Variants in KIAA1549 observed in about 807,000 individuals in gnomAD.
KIAA1549 encodes the protein KIAA1549.
Under a neutral mutation model 156.4 loss-of-function variants are expected in KIAA1549, and 70 were observed. The observed-to-expected ratio is 0.45, with a 90% CI of 0.37 to 0.55. KIAA1549 has a LOEUF of 0.55. Ranked by LOEUF, KIAA1549 falls within the 20% of genes least tolerant of loss-of-function variation. The probability of loss-of-function intolerance (pLI) is 0.00; values close to 1 mark genes in which losing one functional copy is unlikely to be tolerated. For missense variants in KIAA1549, 2,428 were observed against 2,540.9 expected, an observed-to-expected ratio of 0.96 and a Z score of 0.96; for synonymous variants, 1,103 against 1,066.4, an observed-to-expected ratio of 1.03 and a Z score of -0.67.
rs374468612 is a variant in KIAA1549, at chr7:138,879,639, T to C, written c.4244A>G (p.Asp1415Gly). ...VRHRGRVSPSDADSTVSEESS... is the reference protein window; with the variant it reads ...VRHRGRVSPSGADSTVSEESS... Reference sequence around the variant, plus strand: ...CTCTTCACTGACCGTAGAGTCAGCATCTGAGGGAGAAACTCTGCAGACACA... The same window carrying C: ...CTCTTCACTGACCGTAGAGTCAGCACCTGAGGGAGAAACTCTGCAGACACA... The change falls in exon 12 of 20, where the codon GAT becomes GGT. Residue 1415 changes from aspartate (D) to glycine (G), a missense_variant. Physicochemically the swap from Asp to Gly is moderately conservative, Grantham distance 94. This residue lies in a region of KIAA1549 where 404 missense variants were observed against 417.0 expected (regional missense o/e 0.97). Transcript: ENST00000422774. The C allele has an allele frequency of 1.8e-4, 274 of 1,546,934 alleles. No individual in the cohort carries two copies. The highest frequency in any genetic ancestry group is 2.3e-4 in the Non-Finnish European group (261 of 1,145,602).
chr7:138,844,198 GC>G lies in KIAA1549; in HGVS notation c.5452+118del, dbSNP rs1459649700. On this transcript the variant is annotated intron_variant, in intron 18 of 19. Transcript: ENST00000422774. ...CTCGGTCAGGATATGAGGGGAAACAGCCCTGAAACAGCAGTGGCAGAGGCCT... is the reference window on the plus strand; with the variant it reads ...CTCGGTCAGGATATGAGGGGAAACAGCCTGAAACAGCAGTGGCAGAGGCCT... The G allele has an allele frequency of 3.5e-6, 4 of 1,141,342 alleles. No individual in the cohort carries two copies. In the Admixed American group the frequency reaches 7.9e-5, roughly 23 times the overall value. The allele number at this position is 1,141,342 out of a possible 1,614,324, so 70.7% of individuals were successfully genotyped here. A position where few individuals can be genotyped will look rare whatever the true frequency, so the allele number is the denominator to read the frequency against.
intron 2 of KIAA1549, among the ~76,000 whole-genome samples, chr7:138,913,119 C>T (rs1202772232): frequency 1.3e-5 from 2 of 152,138 alleles, no homozygotes; most frequent in African/African-American, 4.8e-5. Flanking sequence ...TGTGACCCAC[C>T]TGCCTCAGCC....
intron 6 of KIAA1549, 137 bp from the exon 7 acceptor site, chr7:138,905,218 C>T (rs112406068): frequency 9.2e-6 from 6 of 654,212 alleles, no homozygotes; most frequent in South Asian, 5.5e-5. Context: ...AGCGTGAGGA[C>T]GTGGACAGTA....
At chr7:138,840,895 A>T (rs901789527) in intron 18 of KIAA1549, among the ~76,000 whole-genome samples, 4 of 152,108 alleles carry the variant, frequency 2.6e-5, no homozygotes, top group African/African-American at 9.7e-5. Flanking sequence ...GTCAGCTCTG[A>T]TCACTGCACT....
intron 1 of KIAA1549, among the ~76,000 whole-genome samples, chr7:138,964,420 T>A (rs1009062772): frequency 1.3e-5 from 2 of 152,224 alleles, no homozygotes; most frequent in African/African-American, 4.8e-5. Flanking sequence ...TAAGCTTTAT[T>A]TTCCTCATCT....
At chr7:138,884,056 G>A (rs1239483960) in intron 10 of KIAA1549, among the ~76,000 whole-genome samples, 2 of 152,134 alleles carry the variant, frequency 1.3e-5, no homozygotes, top group Admixed American at 6.5e-5. Flanking sequence ...AGGGAAGAGG[G>A]GCTGAAGGTT....
At chr7:138,976,381 T>C (rs1468362371) in intron 1 of KIAA1549, among the ~76,000 whole-genome samples, 1 of 148,782 alleles carries the variant, frequency 6.7e-6, no homozygotes, top group Admixed American at 6.8e-5. Flanking sequence ...GATTTTAAAT[T>C]AGCTGTTCTA....
At position 138,844,457 on chromosome 7, in the gene KIAA1549, C is replaced by G. The variant is rs200895778; in HGVS notation, c.5312G>C (p.Gly1771Ala). The G allele has an allele frequency of 3.5e-4, 540 of 1,537,466 alleles. No homozygotes were observed. The highest frequency in any genetic ancestry group is 4.5e-4 in the Non-Finnish European group (520 of 1,145,482). The change falls in exon 18 of 20, where the codon GGT becomes GCT. Residue 1771 changes from glycine to alanine, a missense_variant. Around this residue, in one of 5 missense-constraint regions of KIAA1549, gnomAD observed 363 missense variants for 354.0 expected, o/e 1.03. Transcript: ENST00000422774. ...GPLPRPGFGP[G>A]LLQSTELVPP... is the part of the protein sequence containing the mutation. ...CACCAGCTCTGTAGACTGCAGCAAA[C>G]CGGGGCCAAAACCTGGTCTGAAGGC...
intron 1 of KIAA1549, among the ~76,000 whole-genome samples, chr7:138,929,198 G>A (rs994253189): frequency 6.6e-6 from 1 of 152,164 alleles, no homozygotes; most frequent in East Asian, 1.9e-4. Flanking sequence ...CTTCAAAATT[G>A]GAGTGAATCC....
Position 138,919,405 on chromosome 7 carries a change from A to G in KIAA1549, c.221T>C (p.Leu74Ser), listed in dbSNP as rs1812483079. The G allele has an allele frequency of 6.2e-7, 1 of 1,613,914 alleles. No homozygotes were observed. The highest frequency in any genetic ancestry group is 1.1e-5 in the South Asian group (1 of 91,080). Residue 74 changes from leucine (L) to serine (S), a missense_variant, in exon 2 of 20, where the codon TTA becomes TCA. Coordinates refer to ENST00000422774, the MANE Select transcript of KIAA1549 (RefSeq NM_001164665.2). Reference sequence around the variant, plus strand: ...CTTCAGCACGAGCTCCATGGAGTATAAAGAAAGGTTGTGCTGTTCCGGAGA... The same window carrying G: ...CTTCAGCACGAGCTCCATGGAGTATGAAGAAAGGTTGTGCTGTTCCGGAGA... Reference protein sequence around the residue: ...ELSPEQHNLSLYSMELVLKKS... With the variant: ...ELSPEQHNLSSYSMELVLKKS...
chr7:138,948,965 A>G (rs572850670), intron 1 of KIAA1549, among the ~76,000 whole-genome samples: 1 of 152,118 alleles, frequency 6.6e-6, no homozygotes, highest in South Asian at 2.1e-4. Flanking sequence ...TCAGCCTCCC[A>G]AAGTGCTGGG....
rs551567210 is a variant in KIAA1549, at chr7:138,852,695, G to A, written c.5248-426C>T. 2.0e-5 allele frequency among the ~76,000 whole-genome samples: 3 copies of A among 152,340 alleles called. No homozygotes were observed. In the East Asian group the frequency reaches 5.8e-4, roughly 29 times the overall value. ...CCAACCACATGAGCCACAAAGGTCA[G>A]CGAGACCCAGTGGCTGCCCAGTACC... On this transcript the variant is annotated intron_variant, in intron 16 of 19. Coordinates refer to ENST00000422774, the MANE Select transcript of KIAA1549 (RefSeq NM_001164665.2).
At position 138,911,142 on chromosome 7, in the gene KIAA1549, T is replaced by G. The variant is rs762295381; in HGVS notation, c.3145+4A>C. The G allele has an allele frequency of 1.9e-6, 3 of 1,569,994 alleles. No homozygotes were observed. In the East Asian group the frequency reaches 6.9e-5, roughly 36 times the overall value. On this transcript the variant is annotated splice_donor_region_variant and intron_variant, in intron 4 of 19. Transcript: ENST00000422774. ...ATAAAAACAACTATGCTGAGCTGTC[T>G]CACCTGTTTGAACTTGGAACCTGGA...
rs747401487 is a variant in KIAA1549, at chr7:138,905,029, G to A, written c.3513C>T (p.Val1171=). 1.4e-5 allele frequency: 22 copies of A among 1,568,458 alleles called. No homozygotes were observed. Among genetic ancestry groups the A allele is most frequent in the Non-Finnish European group, 1.8e-5 (21 of 1,154,048 alleles). The change falls in exon 7 of 20, where the codon GTC becomes GTT. Residue 1171 remains valine (V), a synonymous_variant. Transcript: ENST00000422774. The part of the protein sequence containing the change: ...NLSQLLKSSW[V]RTVLLGVMEK... ...TACATAAGTTAAACATACCTGTTCTGACCCAAGAGGACTTCAGCAACTGAG... is the reference window on the plus strand; with the variant it reads ...TACATAAGTTAAACATACCTGTTCTAACCCAAGAGGACTTCAGCAACTGAG...
chr7:138,950,961 G>A lies in KIAA1549; in HGVS notation c.187+30122C>T, dbSNP rs372061161. 6.0e-4 allele frequency among the ~76,000 whole-genome samples: 91 copies of A among 152,080 alleles called. 1 individual carries two copies. The South Asian group carries it at 0.015, about 25-fold the overall frequency. ...TCCCCGACCACCTCGCCCTCACCTCGGCCCAGCTGTCACCAGTTACCTCCC... is the reference window on the plus strand; with the variant it reads ...TCCCCGACCACCTCGCCCTCACCTCAGCCCAGCTGTCACCAGTTACCTCCC... On this transcript the variant is annotated intron_variant, in intron 1 of 19. Transcript: ENST00000422774.
chr7:138,891,327 C>A (rs184598725), intron 10 of KIAA1549, among the ~76,000 whole-genome samples: 1 of 152,312 alleles, frequency 6.6e-6, no homozygotes, highest in Admixed American at 6.5e-5. Context: ...GGTCTGACAC[C>A]AGTAACGAGG....
intron 1 of KIAA1549, among the ~76,000 whole-genome samples, chr7:138,931,721 C>T (rs1812877205): frequency 7.2e-6 from 1 of 138,218 alleles, no homozygotes; most frequent in Non-Finnish European, 1.5e-5. Context: ...CACTGTACTC[C>T]AGCCTGGGTG....
Position 138,833,652 on chromosome 7 carries a change from T to C in KIAA1549, c.*4254A>G, listed in dbSNP as rs556763099. 9.9e-5 allele frequency: 23 copies of C among 232,282 alleles called. No individual in the cohort carries two copies. The highest frequency in any genetic ancestry group is 2.0e-4 in the African/African-American group (9 of 45,198). The allele number at this position is 232,282 out of a possible 1,614,324, so 14.4% of individuals were successfully genotyped here. A position where few individuals can be genotyped will look rare whatever the true frequency, so the allele number is the denominator to read the frequency against. Reference sequence around the variant, plus strand: ...TAGCAGTAAAGAAGCTGAATATATATATAGATAGATAGACAGATACATAGA... The same window carrying C: ...TAGCAGTAAAGAAGCTGAATATATACATAGATAGATAGACAGATACATAGA... On this transcript the variant is annotated 3_prime_UTR_variant, in exon 20 of 20. Transcript: ENST00000422774.
rs748715293 is a variant in KIAA1549, at chr7:138,869,771, G to T, written c.4552-10C>A. 5.6e-6 allele frequency: 9 copies of T among 1,601,836 alleles called. No homozygotes were observed. In the East Asian group the frequency reaches 6.7e-5, roughly 12 times the overall value. The stretch of plus-strand genomic sequence containing the variant: ...GCAGCGCGGTCTGAATCTGAGGAAG[G>T]GTGAGGGAGAGAAAGACAGCCATAG... On this transcript the variant is annotated splice_polypyrimidine_tract_variant and intron_variant, in intron 13 of 19. Transcript: ENST00000422774.
Sources: gnomAD v4.1 joint callset for allele counts (sites outside exome capture counted in the v4.1 genomes callset) on GRCh38, gnomAD v4.1.1 for gene constraint, gnomAD v4.1.1 regional missense constraint, MANE v1.5 for transcripts, NCBI Gene and HGNC (gene_info 2026-07-23, HGNC 2026-07-21) for gene names.